Variants in KIT observed in about 807,000 individuals in gnomAD.
KIT encodes mast/stem cell growth factor receptor Kit.
A neutral mutation model predicts 105.7 loss-of-function variants in KIT; 16 were observed. That is an observed-to-expected ratio of 0.15 (90% confidence interval 0.10 to 0.23). The LOEUF is 0.23. KIT is among the 10% of genes least tolerant of loss of function. The pLI is 1.00. For synonymous variants in KIT, 438 were observed against 441.1 expected, an observed-to-expected ratio of 0.99 and a Z score of 0.09; for missense variants, 858 against 1,213.8, an observed-to-expected ratio of 0.71 and a Z score of 4.36.
rs72549290 is a variant in KIT at position 54,703,545 on chromosome 4, T to A, written c.757-179T>A. 4.3e-3 allele frequency among the ~76,000 whole-genome samples: 651 copies of A among 152,348 alleles called. 11 individuals are homozygous for A. The highest frequency in any genetic ancestry group is 0.015 in the African/African-American group (625 of 41,584). On this transcript the variant is annotated intron_variant, in intron 4 of 20. Coordinates refer to ENST00000288135, the MANE Select transcript of KIT (RefSeq NM_000222.3). ...ACTGTCTTTCAACATAATCCTGTAA[T>A]ATGAAGTGTTCCAATGACAGACTTG... is the stretch of plus-strand genomic sequence containing the variant.
intron 8 of KIT, 145 bp from the exon 9 acceptor site, chr4:54,725,712 G>C (rs1378988107): frequency 1.3e-6 from 1 of 795,658 alleles, no homozygotes; most frequent in Non-Finnish European, 2.1e-6. Context: ...TCACCAAAGT[G>C]CTTATTCTTA....
At chr4:54,679,719 C>T (rs1211278555) in intron 1 of KIT, among the ~76,000 whole-genome samples, 1 of 152,086 alleles carries the variant, frequency 6.6e-6, no homozygotes, top group African/African-American at 2.4e-5. Context: ...AAATGTAGAT[C>T]ATAATTGAAG....
chr4:54,711,132 T>C (rs1023536006), intron 7 of KIT, among the ~76,000 whole-genome samples: 2 of 152,190 alleles, frequency 1.3e-5, no homozygotes, highest in African/African-American at 4.8e-5. Flanking sequence ...CCTTCTGCCT[T>C]GTCCTCCCAA....
intron 7 of KIT, among the ~76,000 whole-genome samples, chr4:54,712,562 A>G (rs891493495): frequency 2.0e-5 from 3 of 152,138 alleles, no homozygotes; most frequent in African/African-American, 7.2e-5. Context: ...GTCATGAGAT[A>G]TTGACCTCAG....
intron 6 of KIT, 142 bp downstream of exon 6, chr4:54,707,429 T>TC: frequency 3.0e-6 from 2 of 666,054 alleles, no homozygotes; most frequent in Non-Finnish European, 2.7e-6. Flanking sequence ...TATGTCCTCA[T>TC]CCTAGTATTC....
At chr4:54,690,725 A>T (rs1259323533) in intron 1 of KIT, among the ~76,000 whole-genome samples, 2 of 152,228 alleles carry the variant, frequency 1.3e-5, no homozygotes, top group East Asian at 3.8e-4. Context: ...ACATTTCAAA[A>T]TTTGGAATTT....
At chr4:54,693,878 T>G (rs1348769848) in intron 1 of KIT, among the ~76,000 whole-genome samples, 1 of 152,162 alleles carries the variant, frequency 6.6e-6, no homozygotes, top group Non-Finnish European at 1.5e-5. Context: ...CCCGCTGATA[T>G]GGCCTTCCTC....
At chr4:54,660,700 C>G (rs1318752580) in intron 1 of KIT, among the ~76,000 whole-genome samples, 2 of 152,030 alleles carry the variant, frequency 1.3e-5, no homozygotes, top group African/African-American at 4.8e-5. Context: ...TATTATTACC[C>G]CTAACATTTT....
chr4:54,687,832 T>G (rs1719427260), intron 1 of KIT, among the ~76,000 whole-genome samples: 1 of 152,190 alleles, frequency 6.6e-6, no homozygotes, highest in Non-Finnish European at 1.5e-5. Flanking sequence ...TCATGGTCCT[T>G]CTGGGCAGCA....
rs771597134 is a variant in KIT at position 54,738,563 on chromosome 4, A to G, written c.*6A>G. On this transcript the variant is annotated 3_prime_UTR_variant, in exon 21 of 21. Coordinates refer to ENST00000288135, the MANE Select transcript of KIT (RefSeq NM_000222.3). Reference sequence around the variant, plus strand: ...TTGTGCACGACGATGTCTGAGCAGAATCAGTGTTTGGGTCACCCCTCCAGG... The same window carrying G: ...TTGTGCACGACGATGTCTGAGCAGAGTCAGTGTTTGGGTCACCCCTCCAGG... 4 of 1,613,742 alleles carry G rather than the reference A, an allele frequency of 2.5e-6. No homozygotes were observed. The highest frequency in any genetic ancestry group is 1.3e-5 in the African/African-American group (1 of 74,924).
rs1476141776 is a variant in KIT at position 54,723,668 on chromosome 4, A to G, written c.1316A>G (p.Asp439Gly). 1.9e-6 allele frequency: 3 copies of G among 1,613,592 alleles called. No homozygotes were observed. The highest frequency in any genetic ancestry group is 2.5e-6 in the Non-Finnish European group (3 of 1,179,606). Residue 439 changes from aspartate to glycine, a missense_variant, in exon 8 of 21, where the codon GAT (aspartate) becomes GGT (glycine). Transcript: ENST00000288135. ...VAAGFPEPTI[D>G]WYFCPGTEQR... is the part of the protein sequence containing the mutation. ...GCAGGATTCCCAGAGCCCACAATAG[A>G]TTGGTATTTTTGTCCAGGAACTGAG...
chr4:54,715,432 C>T (rs1332142578), intron 7 of KIT, among the ~76,000 whole-genome samples: 4 of 151,330 alleles, frequency 2.6e-5, no homozygotes, highest in Non-Finnish European at 4.4e-5. Flanking sequence ...TTATTTGGCT[C>T]ACATTTCTGC....
intron 1 of KIT, among the ~76,000 whole-genome samples, chr4:54,688,157 C>G (rs566309097): frequency 2.6e-5 from 4 of 152,134 alleles, no homozygotes; most frequent in Admixed American, 2.0e-4. Context: ...CCCCCTCCCC[C>G]ATCTGCATGC....
Position 54,738,805 on chromosome 4 carries a change from A to C in KIT, c.*248A>C. 1 of 607,662 alleles carries C rather than the reference A, an allele frequency of 1.6e-6. No individual in the cohort carries two copies. The highest frequency in any genetic ancestry group is 2.0e-5 in the South Asian group (1 of 50,670). 37.6% of individuals were successfully genotyped at this position (607,662 alleles called of 1,614,324 possible). ...TCTACCATGAACAGAAAACATTCTG[A>C]TTTGGAAAAAGAGAGGGAGGTATGG... is the stretch of plus-strand genomic sequence containing the variant. On this transcript the variant is annotated 3_prime_UTR_variant, in exon 21 of 21. Transcript: ENST00000288135.
At chr4:54,666,026 T>C (rs1717661544) in intron 1 of KIT, among the ~76,000 whole-genome samples, 1 of 152,184 alleles carries the variant, frequency 6.6e-6, no homozygotes, top group South Asian at 2.1e-4. Context: ...TTTTTTGTTT[T>C]TCTCAGAATA....
At chr4:54,693,151 T>C (rs1719826083) in intron 1 of KIT, among the ~76,000 whole-genome samples, 1 of 152,220 alleles carries the variant, frequency 6.6e-6, no homozygotes, top group African/African-American at 2.4e-5. Context: ...TTGCAGCTTG[T>C]AGCCCTGGAG....
intron 1 of KIT, among the ~76,000 whole-genome samples, chr4:54,663,973 G>C (rs2109542941): frequency 6.6e-6 from 1 of 152,080 alleles, no homozygotes; most frequent in East Asian, 1.9e-4. Flanking sequence ...GGGTGGAGGA[G>C]GGCCAGGGCA....
At chr4:54,691,691 G>C (rs900137730) in intron 1 of KIT, among the ~76,000 whole-genome samples, 1 of 152,142 alleles carries the variant, frequency 6.6e-6, no homozygotes, top group Non-Finnish European at 1.5e-5. Context: ...ATTGTTAAAA[G>C]GATATTGTTT....
chr4:54,727,392 C>T (rs372759428), intron 10 of KIT, 24 bp from the exon 11 acceptor site: 1 of 1,613,982 alleles, frequency 6.2e-7, no homozygotes, highest in African/African-American at 1.3e-5. Context: ...AAAAGGTGAT[C>T]TATTTTTCCC....
Sources: allele counts gnomAD v4.1 joint callset (sites outside exome capture counted in the v4.1 genomes callset), GRCh38; gene constraint gnomAD v4.1.1; transcripts MANE v1.5; gene names NCBI Gene and HGNC (gene_info 2026-07-23, HGNC 2026-07-21).